CNIH3: variants seen among roughly 807,000 people sequenced by gnomAD.
CNIH3 encodes the protein protein cornichon homolog 3.
Under a neutral mutation model 24.1 loss-of-function variants are expected in CNIH3, and 14 were observed. That is an observed-to-expected ratio of 0.58 (90% CI 0.38 to 0.91). The LOEUF (loss-of-function observed/expected upper bound fraction) is 0.91, where lower values mean the gene tolerates loss of function less well. Ranked by LOEUF, CNIH3 falls within the 40% of genes least tolerant of loss-of-function variation. The pLI is 0.00. For synonymous variants in CNIH3, 68 were observed against 73.8 expected, an observed-to-expected ratio of 0.92 and a Z score of 0.40; for missense variants, 178 against 196.8, an observed-to-expected ratio of 0.90 and a Z score of 0.57.
At position 224,739,509 on chromosome 1, in the gene CNIH3, C is replaced by T. The variant is rs542979662; in HGVS notation, c.*153C>T. 9.1e-6 allele frequency: 13 copies of T among 1,427,780 alleles called. No individual in the cohort carries two copies. Among genetic ancestry groups the T allele is most frequent in the Middle Eastern group, 2.0e-4 (1 of 4,918 alleles). The allele number at this position is 1,427,780 out of a possible 1,614,324, so 88.4% of individuals were successfully genotyped here. ...AGACTGAATGGGAGCTGGAATCACGCAGCAGCTGGGAGCCGAGTTAACCCT... is the reference window on the plus strand; with the variant it reads ...AGACTGAATGGGAGCTGGAATCACGTAGCAGCTGGGAGCCGAGTTAACCCT... On this transcript the variant is annotated 3_prime_UTR_variant, in exon 6 of 6. Coordinates refer to ENST00000272133, the MANE Select transcript of CNIH3 (RefSeq NM_152495.2).
chr1:224,470,554 A>G (rs1056622125), intron 1 of CNIH3, among the ~76,000 whole-genome samples: 2 of 151,572 alleles, frequency 1.3e-5, no homozygotes, highest in Admixed American at 6.6e-5. Context: ...TCCTGGCCTC[A>G]AGTGACCCTT....
intron 1 of CNIH3, among the ~76,000 whole-genome samples, chr1:224,657,479 G>A (rs1007492499): frequency 3.9e-5 from 6 of 152,184 alleles, no homozygotes; most frequent in African/African-American, 1.4e-4. Flanking sequence ...TTACTCAATT[G>A]TTAAAGGCTA....
At position 224,688,214 on chromosome 1, in the gene CNIH3, G is replaced by C. The variant is rs74930192; in HGVS notation, c.198+3371G>C. Among the ~76,000 whole-genome samples, 749 of 152,284 alleles carry C rather than the reference G, an allele frequency of 4.9e-3. 7 individuals are homozygous for C. Among genetic ancestry groups the C allele is most frequent in the East Asian group, 0.028 (147 of 5,186 alleles). ...AAGTCAAGCAATTTTGTTTTATTAA[G>C]TTTAGGAGGGTGATTTCAACATAAT... On this transcript the variant is annotated intron_variant, in intron 3 of 5. Transcript: ENST00000272133.
chr1:224,545,754 C>T (rs1679679875), intron 2 of CNIH3, among the ~76,000 whole-genome samples: 1 of 152,190 alleles, frequency 6.6e-6, no homozygotes. Flanking sequence ...CCTGAATCAG[C>T]TTGAACATCA....
At chr1:224,513,180 A>C (rs1678228357), upstream of CNIH3, among the ~76,000 whole-genome samples, 1 of 152,020 alleles carries the variant, frequency 6.6e-6, no homozygotes, top group South Asian at 2.1e-4. Context: ...TTTTTTAAAC[A>C]GTGGATCTTG....
intron 1 of CNIH3, among the ~76,000 whole-genome samples, chr1:224,649,447 T>A (rs139388842): frequency 1.4e-3 from 217 of 152,360 alleles, no homozygotes; most frequent in Non-Finnish European, 2.5e-3. Context: ...ATAAACTGTG[T>A]TGCTTTGAAT....
At chr1:224,523,397 A>G (rs913542806) in intron 2 of CNIH3, among the ~76,000 whole-genome samples, 5 of 152,250 alleles carry the variant, frequency 3.3e-5, no homozygotes, top group Admixed American at 2.0e-4. Context: ...GTGCAACAAC[A>G]TGAAATAATC....
chr1:224,459,102 C>T (rs1242133122), intron 1 of CNIH3: 12 of 623,646 alleles, frequency 1.9e-5, no homozygotes, highest in African/African-American at 1.7e-4. Flanking sequence ...AATGGCCAAA[C>T]ACCTGACTTC....
intron 1 of CNIH3, among the ~76,000 whole-genome samples, chr1:224,464,851 A>G (rs1233816007): frequency 6.6e-6 from 1 of 152,156 alleles, no homozygotes; most frequent in South Asian, 2.1e-4. Context: ...GCTGAAGTGC[A>G]GTGGTGTGAT....
intron 1 of CNIH3, among the ~76,000 whole-genome samples, chr1:224,623,418 C>G (rs560694114): frequency 7.2e-5 from 11 of 152,250 alleles, no homozygotes; most frequent in African/African-American, 2.2e-4. Flanking sequence ...CCCAGGTACC[C>G]GGGAGCTGCT....
intron 3 of CNIH3, among the ~76,000 whole-genome samples, chr1:224,695,143 G>T (rs527407665): frequency 6.6e-6 from 1 of 152,198 alleles, no homozygotes; most frequent in Non-Finnish European, 1.5e-5. Context: ...TTCTTCTGTG[G>T]GTGGGCCTCA....
intron 1 of CNIH3, among the ~76,000 whole-genome samples, chr1:224,483,593 C>T (rs929686148): frequency 3.3e-5 from 5 of 151,132 alleles, no homozygotes; most frequent in African/African-American, 1.2e-4. Flanking sequence ...GACGAGGTCT[C>T]ACTATGTTGG....
intron 4 of CNIH3, among the ~76,000 whole-genome samples, chr1:224,731,820 A>G (rs1335564940): frequency 1.3e-5 from 2 of 152,266 alleles, no homozygotes; most frequent in African/African-American, 4.8e-5. Context: ...CAGCATGTGC[A>G]AAGGCCCAGA....
chr1:224,495,878 C>T (rs1177648590), intron 1 of CNIH3, among the ~76,000 whole-genome samples: 1 of 152,042 alleles, frequency 6.6e-6, no homozygotes, highest in Non-Finnish European at 1.5e-5. Flanking sequence ...CCCTTGAGGC[C>T]AAGAGTTTGA....
At chr1:224,526,410 G>A (rs746932324) in intron 2 of CNIH3, among the ~76,000 whole-genome samples, 3 of 152,108 alleles carry the variant, frequency 2.0e-5, no homozygotes, top group Non-Finnish European at 4.4e-5. Flanking sequence ...TGCCATGTGA[G>A]GACACAGCAA....
At chr1:224,487,567 C>T (rs759145666) in intron 1 of CNIH3, among the ~76,000 whole-genome samples, 4 of 152,202 alleles carry the variant, frequency 2.6e-5, no homozygotes, top group Non-Finnish European at 5.9e-5. Context: ...GTCATAGTTA[C>T]AGCTATCATC....
At chr1:224,547,753 C>T (rs987872710) in intron 3 of CNIH3, among the ~76,000 whole-genome samples, 1 of 151,670 alleles carries the variant, frequency 6.6e-6, no homozygotes, top group South Asian at 2.1e-4. Flanking sequence ...GTGTATACCT[C>T]GTGATATTAT....
At chr1:224,531,375 C>T (rs1323335067) in intron 2 of CNIH3, among the ~76,000 whole-genome samples, 1 of 152,184 alleles carries the variant, frequency 6.6e-6, no homozygotes, top group East Asian at 1.9e-4. Context: ...AAGAGGTGCA[C>T]TGTGTACCTT....
intron 3 of CNIH3, among the ~76,000 whole-genome samples, chr1:224,723,691 G>C (rs1688865358): frequency 6.6e-6 from 1 of 152,244 alleles, no homozygotes; most frequent in African/African-American, 2.4e-5. Context: ...TCGTGTTCCT[G>C]GTGCAGGCCT....
Sources: gnomAD v4.1 joint callset for allele counts (sites outside exome capture counted in the v4.1 genomes callset) on GRCh38, gnomAD v4.1.1 for gene constraint, MANE v1.5 for transcripts, NCBI Gene and HGNC (gene_info 2026-07-23, HGNC 2026-07-21) for gene names.